The following APBB2 variants were observed in gnomAD, a reference collection of about 807,000 sequenced individuals.
APBB2 encodes the protein Fe65-like 1.
A neutral mutation model predicts 82.5 loss-of-function variants in APBB2; 38 were observed. That is an observed-to-expected ratio of 0.46 (90% CI 0.36 to 0.60). APBB2 has a LOEUF of 0.60. APBB2 is among the 20% of genes least tolerant of loss of function. The pLI is 0.00. For synonymous variants in APBB2, 341 were observed against 368.2 expected, an observed-to-expected ratio of 0.93 and a Z score of 0.85; for missense variants, 772 against 972.3, an observed-to-expected ratio of 0.79 and a Z score of 2.74.
At position 40,815,944 on chromosome 4, in the gene APBB2, C is replaced by T; in HGVS notation, c.*148G>A. ...ACATGATGGTGGCAAGACGAGAGAA[C>T]ATGCTTGTCTAACACTGCTTGGTTA... On this transcript the variant is annotated 3_prime_UTR_variant, in exon 18 of 18. Transcript: ENST00000508593. 2.3e-6 allele frequency: 2 copies of T among 862,852 alleles called. No homozygotes were observed. The highest frequency in any genetic ancestry group is 2.4e-5 in the East Asian group (1 of 40,952). The allele number at this position is 862,852 out of a possible 1,614,324, so 53.4% of individuals were successfully genotyped here. A position where few individuals can be genotyped will look rare whatever the true frequency, so the allele number is the denominator to read the frequency against.
Position 40,811,007 on chromosome 4 carries a change from T to G in APBB2, c.*5085A>C, listed in dbSNP as rs1744288437. On this transcript the variant is annotated 3_prime_UTR_variant, in exon 18 of 18. Transcript: ENST00000508593. ...TTTTTATTTTCAAGTGTATTTTCTG[T>G]GATGTTGTCTCATTGTTATGGAATA... 2 of 152,218 alleles carry G rather than the reference T, an allele frequency of 1.3e-5. No homozygotes were observed. Among genetic ancestry groups the G allele is most frequent in the South Asian group, 4.1e-4 (2 of 4,830 alleles). The allele number at this position is 152,218 out of a possible 1,614,324, so 9.4% of individuals were successfully genotyped here. A position where few individuals can be genotyped will look rare whatever the true frequency, so the allele number is the denominator to read the frequency against.
At chr4:41,055,090 C>A (rs1212984162) in intron 4 of APBB2, among the ~76,000 whole-genome samples, 2 of 152,226 alleles carry the variant, frequency 1.3e-5, no homozygotes, top group Admixed American at 6.5e-5. Flanking sequence ...GCTCTGGCCA[C>A]CCTGGCTCCT....
chr4:40,945,192 T>C (rs1228448862), intron 6 of APBB2, 119 bp from the exon 7 acceptor site: 12 of 722,556 alleles, frequency 1.7e-5, no homozygotes, highest in Non-Finnish European at 2.4e-5. Context: ...TGATTAGTTC[T>C]TCCTGGTATG....
chr4:41,189,175 T>C (rs1773735399), intron 1 of APBB2, among the ~76,000 whole-genome samples: 1 of 152,172 alleles, frequency 6.6e-6, no homozygotes, highest in Non-Finnish European at 1.5e-5. Context: ...TGAAGTATAT[T>C]CATATAATAT....
chr4:41,091,603 T>C (rs1741734702), intron 3 of APBB2, among the ~76,000 whole-genome samples: 2 of 152,164 alleles, frequency 1.3e-5, no homozygotes, highest in Admixed American at 6.5e-5. Context: ...GTCTTTCCCA[T>C]CACTGAATCA....
chr4:41,092,684 G>A (rs1413617361), intron 3 of APBB2, among the ~76,000 whole-genome samples: 22 of 130,808 alleles, frequency 1.7e-4, no homozygotes, highest in African/African-American at 5.1e-4. Context: ...GTGAGACTCC[G>A]TCTCAAAAAA....
In APBB2 at chr4:40,835,896, C is replaced by T. The variant is rs750217456; in HGVS notation, c.1530-5319G>A. On this transcript the variant is annotated intron_variant, in intron 12 of 17. Transcript: ENST00000508593. ...GCAGGAGTGGCAGATGTGTGAGAGA[C>T]GTGGATGAGGGAGGCGATTAAGAAT... 9.2e-5 allele frequency among the ~76,000 whole-genome samples: 14 copies of T among 152,106 alleles called. No individual in the cohort carries two copies. The East Asian group carries it at 1.2e-3, about 13-fold the overall frequency.
At chr4:41,149,978 C>T (rs779455278) in intron 1 of APBB2, among the ~76,000 whole-genome samples, 2 of 152,164 alleles carry the variant, frequency 1.3e-5, no homozygotes, top group Non-Finnish European at 2.9e-5. Flanking sequence ...AAACTTCTTT[C>T]TCCTTATAAA....
intron 10 of APBB2, among the ~76,000 whole-genome samples, chr4:40,914,941 G>C (rs952941875): frequency 2.0e-5 from 3 of 152,176 alleles, no homozygotes; most frequent in Non-Finnish European, 4.4e-5. Context: ...CTACTGACTA[G>C]AACCTTCAGG....
chr4:40,880,258 G>T (rs1768087840), intron 12 of APBB2: 1 of 985,262 alleles, frequency 1.0e-6, no homozygotes, highest in Admixed American at 6.2e-5. Context: ...TCGACACAAT[G>T]AGACTCCTTG....
Position 40,872,436 on chromosome 4 carries a change from T to A in APBB2, c.1529+17928A>T, listed in dbSNP as rs79381727. Among the ~76,000 whole-genome samples the A allele has an allele frequency of 6.8e-3, 1,039 of 152,190 alleles. 6 individuals carry two copies. Among genetic ancestry groups the A allele is most frequent in the Middle Eastern group, 0.02 (6 of 294 alleles). On this transcript the variant is annotated intron_variant, in intron 12 of 17. Coordinates refer to ENST00000508593, the MANE Select transcript of APBB2 (RefSeq NM_004307.2). ...ATAACACTGGCATAGGGCTTGACGG[T>A]CATGTTAGAAAGTGCTTCATGGGAC...
intron 12 of APBB2, among the ~76,000 whole-genome samples, chr4:40,845,323 T>C (rs904019045): frequency 1.3e-5 from 2 of 152,000 alleles, no homozygotes; most frequent in Non-Finnish European, 2.9e-5. Context: ...GACAAACCAG[T>C]CTGAGAGTGG....
At chr4:41,100,506 T>C (rs1392405521) in intron 3 of APBB2, 133 bp downstream of exon 3, 1 of 152,090 alleles carries the variant, frequency 6.6e-6, no homozygotes, top group Non-Finnish European at 1.5e-5. Flanking sequence ...TCTCCTTCCA[T>C]GTTACAAATC....
chr4:40,962,535 T>C (rs1359773784), intron 6 of APBB2, among the ~76,000 whole-genome samples: 1 of 152,228 alleles, frequency 6.6e-6, no homozygotes, highest in Non-Finnish European at 1.5e-5. Context: ...GACTTCTTGT[T>C]CTTTTTACTG....
intron 6 of APBB2, among the ~76,000 whole-genome samples, chr4:40,971,579 C>T (rs1795932637): frequency 6.6e-6 from 1 of 152,132 alleles, no homozygotes; most frequent in Non-Finnish European, 1.5e-5. Context: ...CCGCTCATGG[C>T]TTCTGCAATA....
chr4:41,063,803 C>CG (rs1454459743), intron 4 of APBB2, among the ~76,000 whole-genome samples: 1 of 152,036 alleles, frequency 6.6e-6, no homozygotes, highest in Non-Finnish European at 1.5e-5. Flanking sequence ...CTCAGCCTCC[C>CG]GAGTAGCTGG....
At chr4:40,982,166 C>G (rs1477065679) in intron 6 of APBB2, among the ~76,000 whole-genome samples, 1 of 138,940 alleles carries the variant, frequency 7.2e-6, no homozygotes, top group Non-Finnish European at 1.5e-5. Context: ...GCCTGGGCAA[C>G]AAGAGTGAAA....
chr4:40,854,379 CA>C (rs1452880871), intron 12 of APBB2, among the ~76,000 whole-genome samples: 1 of 152,284 alleles, frequency 6.6e-6, no homozygotes, highest in South Asian at 2.1e-4. Flanking sequence ...AGTTTACTCC[CA>C]AAAACCCATG....
rs916489356 is a variant in APBB2, at chr4:41,186,005, C to A, written c.-417+28400G>T. Among the ~76,000 whole-genome samples, 5 of 152,162 alleles carry A rather than the reference C, an allele frequency of 3.3e-5. No homozygotes were observed. In the East Asian group the frequency reaches 9.6e-4, roughly 29 times the overall value. On this transcript the variant is annotated intron_variant, in intron 1 of 17. Coordinates refer to ENST00000508593, the MANE Select transcript of APBB2 (RefSeq NM_004307.2). The stretch of plus-strand genomic sequence containing the variant: ...ATACTGGTCTGTAACTACTCTACCA[C>A]ACTCTAAGGCAAATTGATTCACAAC...
Sources: gnomAD v4.1 joint callset for allele counts (sites outside exome capture counted in the v4.1 genomes callset) on GRCh38, gnomAD v4.1.1 for gene constraint, MANE v1.5 for transcripts, NCBI Gene and HGNC (gene_info 2026-07-23, HGNC 2026-07-21) for gene names.